Variants in SYCP1 observed in about 807,000 individuals in gnomAD.
SYCP1 encodes the protein synaptonemal complex protein 1.
SYCP1 carries 64 observed loss-of-function variants against 153.1 expected under a neutral mutation model. The observed-to-expected ratio is 0.42, with a 90% CI of 0.34 to 0.51. The LOEUF is 0.51. Ranked by LOEUF, SYCP1 falls within the 20% of genes least tolerant of loss-of-function variation. The pLI is 0.06. For missense variants in SYCP1, 997 were observed against 1,049.0 expected, an observed-to-expected ratio of 0.95 and a Z score of 0.68; for synonymous variants, 384 against 341.8, an observed-to-expected ratio of 1.12 and a Z score of -1.36.
intron 11 of SYCP1, 180 bp downstream of exon 11, chr1:114,876,990 G>GT: frequency 1.1e-5 from 3 of 282,022 alleles, no homozygotes; most frequent in Non-Finnish European, 2.0e-5. Context: ...ACTCAAATAT[G>GT]TACTCACTCT....
intron 23 of SYCP1, among the ~76,000 whole-genome samples, chr1:114,928,297 A>G: frequency 8.0e-6 from 1 of 125,522 alleles, no homozygotes; most frequent in African/African-American, 2.6e-5. Context: ...AAAGGCAGAC[A>G]GAAAAAAATG....
intron 27 of SYCP1, 107 bp downstream of exon 27, chr1:114,947,427 G>C: frequency 2.6e-6 from 2 of 759,984 alleles, no homozygotes; most frequent in Non-Finnish European, 4.1e-6. Flanking sequence ...TTTAATAACG[G>C]GATGAGAAAA....
At chr1:114,964,221 TTTG>T (rs1269847335) in intron 27 of SYCP1, among the ~76,000 whole-genome samples, 8 of 152,308 alleles carry the variant, frequency 5.3e-5, no homozygotes, top group Admixed American at 3.9e-4. Context: ...GATGGGGTTG[TTTG>T]TTATTTTCTT....
intron 30 of SYCP1, among the ~76,000 whole-genome samples, chr1:114,993,678 A>C (rs1364296628): frequency 2.0e-5 from 3 of 151,498 alleles, no homozygotes; most frequent in Non-Finnish European, 3.0e-5. Context: ...GGAGAATTAC[A>C]ATAATTGTAA....
At chr1:114,892,539 G>A (rs1666787818) in intron 15 of SYCP1, among the ~76,000 whole-genome samples, 1 of 152,168 alleles carries the variant, frequency 6.6e-6, no homozygotes, top group African/African-American at 2.4e-5. Context: ...GGCAGAGGTT[G>A]TGGCTGTGAG....
chr1:114,879,622 A>C (rs141350884), intron 12 of SYCP1, among the ~76,000 whole-genome samples: 2 of 152,324 alleles, frequency 1.3e-5, no homozygotes, highest in East Asian at 3.9e-4. Flanking sequence ...ATGGTTTTGC[A>C]CATAATATGA....
chr1:114,923,624 T>G (rs1389615167), intron 21 of SYCP1, 94 bp downstream of exon 21: 9 of 1,250,872 alleles, frequency 7.2e-6, no homozygotes, highest in Non-Finnish European at 8.5e-6. Context: ...AGTATACTGT[T>G]GTATAAATAA....
At chr1:114,883,612 C>T (rs1014568214) in intron 12 of SYCP1, among the ~76,000 whole-genome samples, 2 of 152,278 alleles carry the variant, frequency 1.3e-5, no homozygotes, top group Non-Finnish European at 2.9e-5. Flanking sequence ...GTATACATTC[C>T]GTTCCGATAC....
intron 20 of SYCP1, among the ~76,000 whole-genome samples, chr1:114,921,959 A>G (rs1668919547): frequency 6.6e-6 from 1 of 152,134 alleles, no homozygotes; most frequent in Admixed American, 6.5e-5. Context: ...TAAATATGTC[A>G]TGACCCTCTC....
chr1:114,942,347 A>G (rs1399688849), intron 23 of SYCP1, among the ~76,000 whole-genome samples: 1 of 152,012 alleles, frequency 6.6e-6, no homozygotes, highest in Non-Finnish European at 1.5e-5. Context: ...TTAAAAAGTG[A>G]GGAAAACATG....
chr1:114,946,212 T>G, intron 25 of SYCP1, 77 bp from the exon 26 acceptor site: 1 of 569,426 alleles, frequency 1.8e-6, no homozygotes, highest in Non-Finnish European at 2.6e-6. Context: ...AAATTAAATA[T>G]TAAAATATGT....
chr1:114,951,407 G>A (rs986638070), intron 27 of SYCP1, among the ~76,000 whole-genome samples: 3 of 151,840 alleles, frequency 2.0e-5, no homozygotes, highest in East Asian at 1.9e-4. Context: ...TGAATTTATC[G>A]GAAAAAATAA....
intron 30 of SYCP1, among the ~76,000 whole-genome samples, chr1:114,992,141 G>T (rs984508238): frequency 6.6e-6 from 1 of 151,710 alleles, no homozygotes; most frequent in Non-Finnish European, 1.5e-5. Flanking sequence ...ACACTGGTGA[G>T]AGAAATTTTG....
At chr1:114,905,712 A>T (rs932155114) in intron 16 of SYCP1, among the ~76,000 whole-genome samples, 9 of 152,012 alleles carry the variant, frequency 5.9e-5, no homozygotes, top group African/African-American at 1.9e-4. Context: ...GGGTCTAGAG[A>T]TTTCTTTTTG....
At chr1:114,972,175 T>C (rs768426115) in intron 27 of SYCP1, among the ~76,000 whole-genome samples, 6 of 152,148 alleles carry the variant, frequency 3.9e-5, no homozygotes, top group Non-Finnish European at 8.8e-5. Flanking sequence ...AATTTATTTA[T>C]TTTTAGGTTT....
chr1:114,953,942 A>T (rs1480272604), intron 27 of SYCP1, among the ~76,000 whole-genome samples: 4 of 152,084 alleles, frequency 2.6e-5, no homozygotes, highest in Non-Finnish European at 5.9e-5. Context: ...CATTTATTAG[A>T]TATTTGATTT....
chr1:114,962,204 C>T (rs370319120), intron 27 of SYCP1, among the ~76,000 whole-genome samples: 2 of 151,900 alleles, frequency 1.3e-5, no homozygotes, highest in Non-Finnish European at 2.9e-5. Context: ...AGGCTGGTCT[C>T]GAACTCCTGA....
At chr1:114,855,635 A>G (rs1663885510) in intron 2 of SYCP1, 63 bp downstream of exon 2, 26 of 1,272,674 alleles carry the variant, frequency 2.0e-5, no homozygotes, top group Non-Finnish European at 2.8e-5. Flanking sequence ...AGAAAAGTGT[A>G]CTTTCTTCCT....
At position 114,867,684 on chromosome 1, in the gene SYCP1, G is replaced by A. The variant is rs529563176; in HGVS notation, c.599-6822G>A. Reference sequence around the variant, plus strand: ...TTAATTCTTTCAAATTCTCTGTATAGACAGTTATGTTATCTGTGAATAAAG... The same window carrying A: ...TTAATTCTTTCAAATTCTCTGTATAAACAGTTATGTTATCTGTGAATAAAG... On this transcript the variant is annotated intron_variant, in intron 8 of 31. Coordinates refer to ENST00000369522, the MANE Select transcript of SYCP1 (RefSeq NM_003176.4). Among the ~76,000 whole-genome samples the A allele has an allele frequency of 1.1e-3, 168 of 151,902 alleles. 1 individual carries two copies. The highest frequency in any genetic ancestry group is 3.4e-3 in the Middle Eastern group (1 of 294).
Sources: allele counts gnomAD v4.1 joint callset (sites outside exome capture counted in the v4.1 genomes callset), GRCh38; gene constraint gnomAD v4.1.1; transcripts MANE v1.5; gene names NCBI Gene and HGNC (gene_info 2026-07-23, HGNC 2026-07-21).